The following NIPAL2 variants were observed in gnomAD, a reference collection of about 807,000 sequenced individuals.
NIPAL2 encodes the protein NIPA-like protein 2.
A neutral mutation model predicts 48.9 loss-of-function variants in NIPAL2; 43 were observed. The observed-to-expected ratio is 0.88, with a 90% CI of 0.69 to 1.13. NIPAL2 has a LOEUF of 1.13. NIPAL2 is among the 50% of genes most tolerant of loss of function. The pLI is 0.00. For missense variants in NIPAL2, 446 were observed against 461.4 expected, an observed-to-expected ratio of 0.97 and a Z score of 0.31; for synonymous variants, 167 against 174.6, an observed-to-expected ratio of 0.96 and a Z score of 0.34.
chr8:98,282,910 AT>A (rs1340668849), intron 1 of NIPAL2, among the ~76,000 whole-genome samples: 1 of 152,218 alleles, frequency 6.6e-6, no homozygotes, highest in East Asian at 1.9e-4. Flanking sequence ...CAGATTTTTA[AT>A]TTGTTATCTT....
rs369208427 is a variant in NIPAL2, at chr8:98,252,749, AT to A, written c.205-116del. ...TATAAGAACGCTAATTTATTTTTGTATTTTTTTTTAAGAACGAATACATTTT... is the reference window on the plus strand; with the variant it reads ...TATAAGAACGCTAATTTATTTTTGTATTTTTTTTAAGAACGAATACATTTT... On this transcript the variant is annotated intron_variant, in intron 2 of 10. Transcript: ENST00000430223. 3,059 of 871,576 alleles carry A rather than the reference AT, an allele frequency of 3.5e-3. 30 individuals are homozygous for A. The highest frequency in any genetic ancestry group is 0.03 in the South Asian group (1,419 of 47,100). 54.0% of individuals were successfully genotyped at this position (871,576 alleles called of 1,614,324 possible).
At chr8:98,227,008 C>A (rs1246162751) in intron 4 of NIPAL2, among the ~76,000 whole-genome samples, 4 of 152,218 alleles carry the variant, frequency 2.6e-5, no homozygotes, top group Non-Finnish European at 5.9e-5. Context: ...TGTCCCTCCC[C>A]TTTCCCCAGG....
At chr8:98,256,540 T>A (rs1415164974) in intron 1 of NIPAL2, among the ~76,000 whole-genome samples, 1 of 151,630 alleles carries the variant, frequency 6.6e-6, no homozygotes, top group Non-Finnish European at 1.5e-5. Context: ...AATAAACACA[T>A]GAAAAGATTC....
At chr8:98,239,851 A>C (rs1344772464) in intron 3 of NIPAL2, among the ~76,000 whole-genome samples, 1 of 152,250 alleles carries the variant, frequency 6.6e-6, no homozygotes, top group East Asian at 1.9e-4. Context: ...AGTATTGAGC[A>C]ACAGCTAATA....
At chr8:98,220,105 G>A (rs1485830829) in intron 5 of NIPAL2, among the ~76,000 whole-genome samples, 1 of 151,944 alleles carries the variant, frequency 6.6e-6, no homozygotes, top group African/African-American at 2.4e-5. Flanking sequence ...GAGTAGAAAA[G>A]GAAACAAAGG....
At chr8:98,221,782 T>G (rs951746929) in intron 5 of NIPAL2, among the ~76,000 whole-genome samples, 3 of 152,130 alleles carry the variant, frequency 2.0e-5, no homozygotes, top group Admixed American at 6.5e-5. Flanking sequence ...CATTAAAAAG[T>G]CAGGAAACAA....
intron 1 of NIPAL2, among the ~76,000 whole-genome samples, chr8:98,267,760 A>G (rs1257392261): frequency 1.3e-5 from 2 of 152,214 alleles, no homozygotes; most frequent in Non-Finnish European, 2.9e-5. Context: ...ATGGGTTATT[A>G]TAAAATTTAC....
chr8:98,227,529 G>A (rs1174800052), intron 4 of NIPAL2, among the ~76,000 whole-genome samples: 1 of 152,128 alleles, frequency 6.6e-6, no homozygotes, highest in African/African-American at 2.4e-5. Context: ...TCTGGCCCAG[G>A]GTGTGTCGAG....
intron 1 of NIPAL2, among the ~76,000 whole-genome samples, chr8:98,272,992 A>G (rs1011849911): frequency 6.6e-6 from 1 of 152,214 alleles, no homozygotes; most frequent in African/African-American, 2.4e-5. Context: ...AGTGTCCATA[A>G]AAAGGTTATC....
rs778830626 is a variant in NIPAL2 at position 98,206,326 on chromosome 8, A to ATATATG, written c.656-1081_656-1080insCATATA. Among the ~76,000 whole-genome samples the ATATATG allele has an allele frequency of 6.3e-3, 950 of 151,290 alleles. 12 individuals are homozygous for ATATATG. Among genetic ancestry groups the ATATATG allele is most frequent in the African/African-American group, 0.022 (908 of 41,070 alleles). On this transcript the variant is annotated intron_variant, in intron 6 of 10. Transcript: ENST00000430223. Reference sequence around the variant, plus strand: ...TGTATGTGTGTGTGTGTATATATATATATGTATGTATGTATGTATGTATTT... The same window carrying ATATATG: ...TGTATGTGTGTGTGTGTATATATATATATATGTATGTATGTATGTATGTATGTATTT...
intron 4 of NIPAL2, among the ~76,000 whole-genome samples, chr8:98,226,824 C>T (rs1449765621): frequency 6.6e-6 from 1 of 152,220 alleles, no homozygotes; most frequent in Non-Finnish European, 1.5e-5. Flanking sequence ...TGGCAAAGCC[C>T]AGCCAGGTTT....
chr8:98,258,152 G>A (rs966006038), intron 1 of NIPAL2, among the ~76,000 whole-genome samples: 2 of 152,202 alleles, frequency 1.3e-5, no homozygotes, highest in African/African-American at 4.8e-5. Context: ...CAAATCTTGT[G>A]TGATTCCACT....
At chr8:98,244,287 G>A (rs796821822) in intron 3 of NIPAL2, among the ~76,000 whole-genome samples, 3 of 111,584 alleles carry the variant, frequency 2.7e-5, no homozygotes, top group Non-Finnish European at 3.7e-5. Flanking sequence ...GTGATGAGAG[G>A]TAGTCTGTAA....
At chr8:98,273,175 T>A (rs577301276) in intron 1 of NIPAL2, among the ~76,000 whole-genome samples, 1 of 152,296 alleles carries the variant, frequency 6.6e-6, no homozygotes, top group East Asian at 1.9e-4. Flanking sequence ...GGAAGATTAT[T>A]CAGCCATAAA....
chr8:98,273,581 T>C (rs1277553052), intron 1 of NIPAL2, among the ~76,000 whole-genome samples: 1 of 152,146 alleles, frequency 6.6e-6, no homozygotes, highest in Non-Finnish European at 1.5e-5. Context: ...TATAGGTAGA[T>C]AGAGATATTT....
chr8:98,290,498 G>T (rs79663258), intron 1 of NIPAL2, among the ~76,000 whole-genome samples: 5 of 151,886 alleles, frequency 3.3e-5, no homozygotes, highest in African/African-American at 9.7e-5. Flanking sequence ...TACAAACTTC[G>T]CTGGTTTGGC....
intron 9 of NIPAL2, 144 bp downstream of exon 9, chr8:98,195,798 T>TA (rs1810514965): frequency 8.6e-6 from 5 of 584,172 alleles, no homozygotes; most frequent in Non-Finnish European, 1.5e-5. Flanking sequence ...GGCCTTAAGT[T>TA]AAAAAATATG....
chr8:98,254,007 C>CT lies in NIPAL2; in HGVS notation c.204+11dup. ...CAATCTATAGTGTTAGAAAAATAAG[C>CT]TTTTTTCTTACCTGAATATTTAGAG... On this transcript the variant is annotated intron_variant, in intron 2 of 10. Coordinates refer to ENST00000430223, the MANE Select transcript of NIPAL2 (RefSeq NM_001321635.2). The CT allele has an allele frequency of 3.1e-6, 5 of 1,589,718 alleles. No homozygotes were observed. Among genetic ancestry groups the CT allele is most frequent in the South Asian group, 2.2e-5 (2 of 89,788 alleles).
intron 1 of NIPAL2, among the ~76,000 whole-genome samples, chr8:98,279,580 T>G (rs532163776): frequency 1.8e-3 from 274 of 152,342 alleles, no homozygotes; most frequent in Non-Finnish European, 3.5e-3. Flanking sequence ...AAGTGTCTTA[T>G]GCAAAGTCAC....
Sources: allele counts gnomAD v4.1 joint callset (sites outside exome capture counted in the v4.1 genomes callset), GRCh38; gene constraint gnomAD v4.1.1; transcripts MANE v1.5; gene names NCBI Gene and HGNC (gene_info 2026-07-23, HGNC 2026-07-21).